Variants in MAP3K7CL observed in about 807,000 individuals in gnomAD.
MAP3K7CL encodes MAP3K7 C-terminal like, also known as MAP3K7 C-terminal-like protein.
A neutral mutation model predicts 18.6 loss-of-function variants in MAP3K7CL; 16 were observed. That is an observed-to-expected ratio of 0.86 (90% CI 0.58 to 1.31). The LOEUF (loss-of-function observed/expected upper bound fraction) is 1.31, where lower values mean the gene tolerates loss of function less well. MAP3K7CL is among the 50% of genes most tolerant of loss of function. The pLI is 0.00. For synonymous variants in MAP3K7CL, 65 were observed against 66.8 expected (o/e 0.97, Z 0.13); for missense variants, 163 against 174.4 (o/e 0.93, Z 0.37).
intron 4 of MAP3K7CL, among the ~76,000 whole-genome samples, chr21:29,120,468 A>G (rs1346986835): frequency 6.6e-6 from 1 of 152,186 alleles, no homozygotes; most frequent in Non-Finnish European, 1.5e-5. Flanking sequence ...AGGAATTTAC[A>G]GTAGCTGTCT....
Position 29,160,073 on chromosome 21 carries a change from C to G in MAP3K7CL, c.248+17C>G, listed in dbSNP as rs370309495. 1.3e-6 allele frequency: 2 copies of G among 1,593,172 alleles called. No individual in the cohort carries two copies. Among genetic ancestry groups the G allele is most frequent in the Admixed American group, 1.7e-5 (1 of 59,930 alleles). On this transcript the variant is annotated intron_variant, in intron 4 of 4. Transcript: ENST00000399928. Reference sequence around the variant, plus strand: ...GCAAAGGAAGTAAGTACCTACCCCCCTCACTCTACATCTGAGCACTGCCTA... The same window carrying G: ...GCAAAGGAAGTAAGTACCTACCCCCGTCACTCTACATCTGAGCACTGCCTA...
intron 4 of MAP3K7CL, among the ~76,000 whole-genome samples, chr21:29,099,575 C>T (rs1465085037): frequency 1.3e-5 from 2 of 152,174 alleles, no homozygotes; most frequent in East Asian, 3.8e-4. Context: ...CTTTGTTCCA[C>T]ATGTTCCATC....
Position 29,091,510 on chromosome 21 carries a change from C to CT in MAP3K7CL, c.68dup (p.Ser24ValfsTer17). On this transcript the variant is annotated frameshift_variant, in exon 2 of 7. Coordinates refer to the MAP3K7CL transcript ENST00000286791. LOFTEE classifies it high-confidence loss of function. Reference sequence around the variant, plus strand: ...TATTTTTTCAATACAGCCCCTTGCTCTGTCACGCAGGCTGGAATGCAGTGG... The same window carrying CT: ...TATTTTTTCAATACAGCCCCTTGCTCTTGTCACGCAGGCTGGAATGCAGTGG... 1.4e-6 allele frequency: 1 copy of CT among 696,946 alleles called. No homozygotes were observed. The highest frequency in any genetic ancestry group is 2.6e-6 in the Non-Finnish European group (1 of 383,352). 43.2% of individuals were successfully genotyped at this position (696,946 alleles called of 1,614,324 possible).
exon 2 of MAP3K7CL, chr21:29,091,576 G>A (rs971991189): frequency 1.4e-6 from 1 of 701,174 alleles, no homozygotes; most frequent in Non-Finnish European, 2.6e-6. Context: ...CCTGGGCCCA[G>A]GTAATTGTCC....
At chr21:29,087,397 A>G (rs998305766) in intron 1 of MAP3K7CL, among the ~76,000 whole-genome samples, 6 of 152,142 alleles carry the variant, frequency 3.9e-5, no homozygotes, top group Non-Finnish European at 7.3e-5. Context: ...TTTGGACCAA[A>G]TATGTTTTTT....
At chr21:29,155,871 T>G (rs1056337279) in intron 3 of MAP3K7CL, among the ~76,000 whole-genome samples, 2 of 152,158 alleles carry the variant, frequency 1.3e-5, no homozygotes, top group Non-Finnish European at 2.9e-5. Context: ...GAGGCGCTGT[T>G]AGGAGAAGGT....
rs77499091 is a variant in MAP3K7CL, at chr21:29,130,725, C to T, written c.-238C>T. The T allele has an allele frequency of 2.1e-3, 2,055 of 985,466 alleles. 30 individuals are homozygous for T. The African/African-American group carries it at 0.026, about 13-fold the overall frequency. The allele number at this position is 985,466 out of a possible 1,614,324, so 61.0% of individuals were successfully genotyped here. A position where few individuals can be genotyped will look rare whatever the true frequency, so the allele number is the denominator to read the frequency against. On this transcript the variant is annotated 5_prime_UTR_variant, in exon 1 of 5. Transcript: ENST00000399928. ...GCGGAAGGGAAGGGAAGGGAGGTCC[C>T]GTGGGACGCTGGGGTCTGGGGCAGA...
intron 4 of MAP3K7CL, among the ~76,000 whole-genome samples, chr21:29,105,780 T>A (rs2146543416): frequency 6.6e-6 from 1 of 152,234 alleles, no homozygotes; most frequent in Non-Finnish European, 1.5e-5. Context: ...CTCCCCACAT[T>A]GTATGGGACT....
At chr21:29,149,157 T>C in intron 2 of MAP3K7CL, 32 bp from the exon 3 acceptor site, 2 of 1,591,640 alleles carry the variant, frequency 1.3e-6, no homozygotes, top group East Asian at 2.2e-5. Flanking sequence ...AAGAGCTCCA[T>C]AGTGAAGAAT....
intron 4 of MAP3K7CL, among the ~76,000 whole-genome samples, chr21:29,112,431 C>T (rs556468156): frequency 6.6e-6 from 1 of 152,172 alleles, no homozygotes; most frequent in Non-Finnish European, 1.5e-5. Flanking sequence ...ATGTGTCTTC[C>T]TTGCAATTAG....
At chr21:29,081,057 G>T (rs73899307), upstream of MAP3K7CL, among the ~76,000 whole-genome samples, 1 of 151,996 alleles carries the variant, frequency 6.6e-6, no homozygotes, top group African/African-American at 2.4e-5. Context: ...TATCAGGAAA[G>T]GTTTTAAGAC....
At chr21:29,128,592 G>A (rs972520411), upstream of MAP3K7CL, among the ~76,000 whole-genome samples, 9 of 152,044 alleles carry the variant, frequency 5.9e-5, no homozygotes, top group Non-Finnish European at 1.2e-4. Context: ...GTGAGCCACC[G>A]CGCCCGGCCA....
At chr21:29,154,014 G>C (rs1317980372) in intron 3 of MAP3K7CL, among the ~76,000 whole-genome samples, 3 of 152,198 alleles carry the variant, frequency 2.0e-5, no homozygotes, top group African/African-American at 4.8e-5. Context: ...CAATGACCAA[G>C]GCATGGGCAT....
At chr21:29,128,859 C>T (rs148911895), upstream of MAP3K7CL, among the ~76,000 whole-genome samples, 120 of 152,090 alleles carry the variant, frequency 7.9e-4, 1 homozygote, top group East Asian at 0.02. Context: ...AATTATAATG[C>T]ATTAGTAAGT....
At chr21:29,131,947 T>C (rs545791274) in intron 1 of MAP3K7CL, among the ~76,000 whole-genome samples, 1 of 152,336 alleles carries the variant, frequency 6.6e-6, no homozygotes, top group East Asian at 1.9e-4. Context: ...TGAGAAAATG[T>C]CCTGCTAAAG....
chr21:29,156,327 C>A (rs1568966780), intron 3 of MAP3K7CL, among the ~76,000 whole-genome samples: 1 of 152,204 alleles, frequency 6.6e-6, no homozygotes, highest in African/African-American at 2.4e-5. Context: ...GATGTTTTCT[C>A]ATCTAGTTAC....
chr21:29,138,563 T>G (rs1312819494), intron 2 of MAP3K7CL, among the ~76,000 whole-genome samples: 1 of 152,258 alleles, frequency 6.6e-6, no homozygotes, highest in Non-Finnish European at 1.5e-5. Flanking sequence ...CCTTGTAAAT[T>G]TAGACCTTGG....
chr21:29,137,590 CAGAA>C, intron 2 of MAP3K7CL, among the ~76,000 whole-genome samples: 1 of 152,070 alleles, frequency 6.6e-6, no homozygotes, highest in South Asian at 2.1e-4. Flanking sequence ...TCCCTCTAAA[CAGAA>C]AGCAGGAGCA....
chr21:29,114,495 A>G (rs1323937267), intron 4 of MAP3K7CL, among the ~76,000 whole-genome samples: 2 of 152,012 alleles, frequency 1.3e-5, no homozygotes, highest in Non-Finnish European at 2.9e-5. Context: ...AGCTCAATTG[A>G]TCCTCCCACC....
Sources: allele counts gnomAD v4.1 joint callset (sites outside exome capture counted in the v4.1 genomes callset), GRCh38; gene constraint gnomAD v4.1.1; transcripts MANE v1.5; gene names NCBI Gene and HGNC (gene_info 2026-07-23, HGNC 2026-07-21).